The following CADM1 variants were observed in gnomAD, a reference collection of about 807,000 sequenced individuals.
The protein encoded by CADM1 is cell adhesion molecule 1.
A neutral mutation model predicts 53.1 loss-of-function variants in CADM1; 15 were observed. The observed-to-expected ratio is 0.28, with a 90% CI of 0.19 to 0.44. CADM1 has a LOEUF of 0.44. Ranked by LOEUF, CADM1 falls within the 20% of genes least tolerant of loss-of-function variation. The pLI is 1.00. For missense variants in CADM1, 434 were observed against 611.3 expected (o/e 0.71, Z 3.06); for synonymous variants, 281 against 243.0 (o/e 1.16, Z -1.45).
At chr11:115,196,513 C>A (rs11215409) in intron 9 of CADM1, among the ~76,000 whole-genome samples, 1 of 138,842 alleles carries the variant, frequency 7.2e-6, no homozygotes, top group African/African-American at 2.6e-5. Context: ...GGTGTCCAAT[C>A]TTTTAGCTTC....
chr11:115,197,421 A>G (rs935108060), intron 9 of CADM1, among the ~76,000 whole-genome samples: 2 of 142,966 alleles, frequency 1.4e-5, no homozygotes, highest in South Asian at 2.4e-4. Context: ...CCTTGGATTC[A>G]ATTATTAAAA....
chr11:115,352,429 A>G (rs562982853), intron 1 of CADM1, among the ~76,000 whole-genome samples: 1 of 152,342 alleles, frequency 6.6e-6, no homozygotes, highest in South Asian at 2.1e-4. Context: ...TAGTCTTCTA[A>G]AACAATCTCT....
chr11:115,352,809 A>C (rs1945770599), intron 1 of CADM1, among the ~76,000 whole-genome samples: 3 of 152,164 alleles, frequency 2.0e-5, no homozygotes, highest in African/African-American at 7.2e-5. Context: ...TCGAGGTAAG[A>C]CAGAGGTAAG....
chr11:115,410,227 C>G (rs1947425978), intron 1 of CADM1, among the ~76,000 whole-genome samples: 1 of 152,180 alleles, frequency 6.6e-6, no homozygotes, highest in African/African-American at 2.4e-5. Flanking sequence ...TTCTATTACC[C>G]TTTTAAGACT....
At chr11:115,474,290 CAAAAAAAAAAA>C (rs60168853) in intron 1 of CADM1, among the ~76,000 whole-genome samples, 79 of 20,216 alleles carry the variant, frequency 3.9e-3, no homozygotes, top group African/African-American at 0.011. Context: ...GACTCCATCT[CAAAAAAAAAAA>C]AAAAAAAAAA....
chr11:115,177,858 C>T (rs1418791855), intron 11 of CADM1, among the ~76,000 whole-genome samples: 3 of 152,160 alleles, frequency 2.0e-5, no homozygotes, highest in Admixed American at 2.0e-4. Flanking sequence ...GACCTTCCCC[C>T]AAACCCAAGT....
intron 1 of CADM1, among the ~76,000 whole-genome samples, chr11:115,466,757 T>C (rs1293878608): frequency 6.6e-6 from 1 of 152,182 alleles, no homozygotes; most frequent in African/African-American, 2.4e-5. Context: ...GTTCTAACAT[T>C]TGTCATGCTT....
chr11:115,187,486 C>T (rs535888944), intron 10 of CADM1, among the ~76,000 whole-genome samples: 41 of 152,170 alleles, frequency 2.7e-4, no homozygotes, highest in Admixed American at 3.3e-4. Context: ...TGGAGTACAG[C>T]GGCGTCATCT....
intron 1 of CADM1, among the ~76,000 whole-genome samples, chr11:115,366,071 T>C (rs1475656243): frequency 6.6e-6 from 1 of 152,212 alleles, no homozygotes; most frequent in Non-Finnish European, 1.5e-5. Context: ...ATGACTCCTT[T>C]TTGCCAGGAC....
chr11:115,208,611 C>T (rs536771885), intron 8 of CADM1, among the ~76,000 whole-genome samples: 7 of 152,202 alleles, frequency 4.6e-5, no homozygotes, highest in East Asian at 3.9e-4. Context: ...CAAAATGCAG[C>T]GGAAAAGTTA....
intron 1 of CADM1, among the ~76,000 whole-genome samples, chr11:115,333,301 G>C (rs2135223043): frequency 6.6e-6 from 1 of 152,216 alleles, no homozygotes; most frequent in East Asian, 1.9e-4. Flanking sequence ...GTGCCTACAG[G>C]ATGAAGCACA....
chr11:115,334,581 A>C (rs1945216562), intron 1 of CADM1, among the ~76,000 whole-genome samples: 1 of 152,124 alleles, frequency 6.6e-6, no homozygotes, highest in Non-Finnish European at 1.5e-5. Context: ...TGCCTAATTT[A>C]TAAGTTAAGC....
chr11:115,415,405 C>T (rs574074137), intron 1 of CADM1, among the ~76,000 whole-genome samples: 1 of 152,062 alleles, frequency 6.6e-6, no homozygotes, highest in East Asian at 1.9e-4. Flanking sequence ...TGGCCGGTAG[C>T]TAAAACCTAA....
Position 115,178,666 on chromosome 11 carries a change from C to T in CADM1, c.1275G>A (p.Gly425=), listed in dbSNP as rs1191208990. 1.2e-6 allele frequency: 2 copies of T among 1,613,368 alleles called. No individual in the cohort carries two copies. Among genetic ancestry groups the T allele is most frequent in the African/African-American group, 1.3e-5 (1 of 74,902 alleles). ...FAMLCLLIIL[G]RYFARHKGTY... is the part of the protein sequence containing the mutation. ...TACCTTTATGTCTGGCAAAATAGCG[C>T]CCCAGAATGATGAGCAAGCACAGCA... The change falls in exon 11 of 12, where the codon GGG becomes GGA. Residue 425 remains glycine, a synonymous_variant. Transcript: ENST00000331581.
intron 1 of CADM1, among the ~76,000 whole-genome samples, chr11:115,316,618 C>A (rs763172743): frequency 6.6e-6 from 1 of 152,084 alleles, no homozygotes; most frequent in African/African-American, 2.4e-5. Context: ...ATAGTGTTAC[C>A]GTGAATAGTC....
At chr11:115,178,132 T>C (rs1939123726) in intron 11 of CADM1, among the ~76,000 whole-genome samples, 1 of 152,154 alleles carries the variant, frequency 6.6e-6, no homozygotes, top group Admixed American at 6.5e-5. Context: ...AATACATATT[T>C]ATGCGGCTTT....
At chr11:115,194,679 AAG>A (rs1178282689) in intron 9 of CADM1, among the ~76,000 whole-genome samples, 3 of 152,234 alleles carry the variant, frequency 2.0e-5, no homozygotes, top group East Asian at 3.9e-4. Flanking sequence ...CACAGAGAGA[AAG>A]AGAGAGAGAC....
At chr11:115,296,141 G>C (rs1343313740) in intron 1 of CADM1, among the ~76,000 whole-genome samples, 1 of 152,086 alleles carries the variant, frequency 6.6e-6, no homozygotes, top group African/African-American at 2.4e-5. Context: ...TAGTAAGACA[G>C]GGTCTTACTA....
intron 1 of CADM1, among the ~76,000 whole-genome samples, chr11:115,253,404 C>G (rs1942670816): frequency 6.6e-6 from 1 of 152,138 alleles, no homozygotes. Context: ...TTTGGGGTGT[C>G]TGGAAACCTA....
Sources: gnomAD v4.1 joint callset for allele counts (sites outside exome capture counted in the v4.1 genomes callset) on GRCh38, gnomAD v4.1.1 for gene constraint, MANE v1.5 for transcripts, NCBI Gene and HGNC (gene_info 2026-07-23, HGNC 2026-07-21) for gene names.